KLF7: variants seen among roughly 807,000 people sequenced by gnomAD.
The protein encoded by KLF7 is Krueppel-like factor 7.
A neutral mutation model predicts 27.3 loss-of-function variants in KLF7; 2 were observed. That is an observed-to-expected ratio of 0.07 (90% CI 0.03 to 0.23). The LOEUF (loss-of-function observed/expected upper bound fraction) is 0.23. Ranked by LOEUF, KLF7 falls within the 10% of genes least tolerant of loss-of-function variation. KLF7 has a pLI of 1.00. For synonymous variants in KLF7, 165 were observed against 162.4 expected (o/e 1.02, Z -0.12); for missense variants, 221 against 394.1 (o/e 0.56, Z 3.72).
intron 1 of KLF7, among the ~76,000 whole-genome samples, chr2:207,143,145 G>A (rs2077991808): frequency 1.3e-5 from 2 of 152,020 alleles, no homozygotes; most frequent in Non-Finnish European, 2.9e-5. Flanking sequence ...AACCCAAAAA[G>A]ATGGAAATAA....
chr2:207,081,854 A>T (rs1474523419), intron 3 of KLF7, among the ~76,000 whole-genome samples: 1 of 39,646 alleles, frequency 2.5e-5, no homozygotes, highest in Non-Finnish European at 5.0e-5. Flanking sequence ...ATTCAAGTCA[A>T]AAAAAAAAAA....
intron 2 of KLF7, chr2:207,120,765 T>C (rs913403146): frequency 5.9e-5 from 9 of 152,356 alleles, no homozygotes; most frequent in African/African-American, 2.2e-4. Context: ...CCATACACCT[T>C]TGCCCTCGAG....
intron 1 of KLF7, among the ~76,000 whole-genome samples, chr2:207,132,724 G>A (rs1345462339): frequency 2.6e-5 from 4 of 152,202 alleles, no homozygotes; most frequent in African/African-American, 4.8e-5. Context: ...ATCAAAGTGA[G>A]CTTTAAAGTC....
intron 2 of KLF7, chr2:207,121,054 G>A (rs1161850190): frequency 6.6e-6 from 1 of 152,116 alleles, no homozygotes; most frequent in Non-Finnish European, 1.5e-5. Flanking sequence ...ATGTCTCTGA[G>A]GAAGGTTTTA....
chr2:207,165,677 G>T lies in KLF7; in HGVS notation c.-109C>A. 6.5e-7 allele frequency: 1 copy of T among 1,549,190 alleles called. No homozygotes were observed. The highest frequency in any genetic ancestry group is 8.7e-7 in the Non-Finnish European group (1 of 1,150,616). The stretch of plus-strand genomic sequence containing the variant: ...CCCCCCAAGAAGGCAGACATCCAGT[G>T]GCCCTTTTGTTTTGTTTTGTTTCAG... On this transcript the variant is annotated 5_prime_UTR_variant, in exon 1 of 4. Transcript: ENST00000309446.
At chr2:207,126,776 C>G (rs1317622596) in intron 1 of KLF7, among the ~76,000 whole-genome samples, 6 of 151,394 alleles carry the variant, frequency 4.0e-5, no homozygotes, top group African/African-American at 1.5e-4. Context: ...GCACTCCAGC[C>G]CTCTGGGCAA....
chr2:207,125,804 A>C (rs544772012), intron 1 of KLF7, among the ~76,000 whole-genome samples: 5 of 152,334 alleles, frequency 3.3e-5, no homozygotes, highest in Non-Finnish European at 5.9e-5. Context: ...GCTCACAGCA[A>C]GGTACAAGGC....
intron 1 of KLF7, among the ~76,000 whole-genome samples, chr2:207,154,279 T>C (rs1208762799): frequency 2.0e-5 from 3 of 152,164 alleles, no homozygotes; most frequent in African/African-American, 7.2e-5. Context: ...TGTATTATGT[T>C]ATATATGCCT....
chr2:207,155,179 C>G (rs1020369124), intron 1 of KLF7, among the ~76,000 whole-genome samples: 1 of 152,174 alleles, frequency 6.6e-6, no homozygotes, highest in Non-Finnish European at 1.5e-5. Context: ...ATAGAATACG[C>G]ATTTCATAGA....
At chr2:207,145,671 T>C (rs1242634457) in intron 1 of KLF7, among the ~76,000 whole-genome samples, 1 of 152,204 alleles carries the variant, frequency 6.6e-6, no homozygotes, top group African/African-American at 2.4e-5. Context: ...AGGAGTATTC[T>C]TTCCTGGCAC....
upstream of KLF7, among the ~76,000 whole-genome samples, chr2:207,168,967 T>TG (rs2078766431): frequency 3.3e-5 from 5 of 152,320 alleles, no homozygotes; most frequent in South Asian, 1.0e-3. Context: ...ATTACCTTCT[T>TG]TGTACCTAGC....
chr2:207,166,764 C>G (rs988190158), upstream of KLF7: 1 of 986,230 alleles, frequency 1.0e-6, no homozygotes. Flanking sequence ...TACTCAAAAA[C>G]AAGCAGAAAA....
intron 2 of KLF7, among the ~76,000 whole-genome samples, chr2:207,101,113 G>A (rs1270389868): frequency 6.6e-6 from 1 of 152,116 alleles, no homozygotes; most frequent in East Asian, 1.9e-4. Context: ...TCTGTCCATG[G>A]GTAAACAGGA....
intron 1 of KLF7, among the ~76,000 whole-genome samples, chr2:207,158,585 T>C (rs931774665): frequency 6.6e-6 from 1 of 152,116 alleles, no homozygotes; most frequent in Non-Finnish European, 1.5e-5. Flanking sequence ...CCCTTCATAC[T>C]CCCACTCCAT....
Position 207,076,706 on chromosome 2 carries a change from T to C in KLF7, c.*4507A>G, listed in dbSNP as rs753233786. The C allele has an allele frequency of 6.6e-6, 1 of 152,168 alleles. No individual in the cohort carries two copies. Among genetic ancestry groups the C allele is most frequent in the Non-Finnish European group, 1.5e-5 (1 of 68,024 alleles). The allele number at this position is 152,168 out of a possible 1,614,324, so 9.4% of individuals were successfully genotyped here. A position where few individuals can be genotyped will look rare whatever the true frequency, so the allele number is the denominator to read the frequency against. ...GGAAAGTAGGCCATCAAAGAGACAT[T>C]GATGTATACTCAGGATAGGCCCTCT... On this transcript the variant is annotated 3_prime_UTR_variant, in exon 4 of 4. Transcript: ENST00000309446.
At chr2:207,134,161 T>TTTA in intron 1 of KLF7, 2 of 1,477,046 alleles carry the variant, frequency 1.4e-6, no homozygotes, top group Non-Finnish European at 1.8e-6. Flanking sequence ...GGGATTTTTT[T>TTTA]TTTTTTTTTT....
intron 2 of KLF7, among the ~76,000 whole-genome samples, chr2:207,095,614 A>G (rs577870979): frequency 6.6e-6 from 1 of 152,340 alleles, no homozygotes; most frequent in South Asian, 2.1e-4. Flanking sequence ...TGCTGAGGTA[A>G]CTAAAAAACT....
In KLF7 at chr2:207,164,989, C is replaced by G. The variant is rs147698180; in HGVS notation, c.102+478G>C. Among the ~76,000 whole-genome samples the G allele has an allele frequency of 5.8e-4, 88 of 151,810 alleles. No homozygotes were observed. The Middle Eastern group carries it at 0.017, about 29-fold the overall frequency. The stretch of plus-strand genomic sequence containing the variant: ...TTACTGAAAAACACTCCGCTTTGCT[C>G]CTGCCCACCCTCCCCCGCCCCCCAT... On this transcript the variant is annotated intron_variant, in intron 1 of 3. Transcript: ENST00000309446.
upstream of KLF7, among the ~76,000 whole-genome samples, chr2:207,168,856 C>T (rs2078765318): frequency 6.6e-6 from 1 of 152,176 alleles, no homozygotes; most frequent in Admixed American, 6.5e-5. Context: ...TGCAAGGTAT[C>T]CAGATGTACA....
Sources: allele counts gnomAD v4.1 joint callset (sites outside exome capture counted in the v4.1 genomes callset), GRCh38; gene constraint gnomAD v4.1.1; transcripts MANE v1.5; gene names NCBI Gene and HGNC (gene_info 2026-07-23, HGNC 2026-07-21).